The following SLCO6A1 variants were observed in gnomAD, a reference collection of about 807,000 sequenced individuals.
The protein encoded by SLCO6A1 is solute carrier organic anion transporter family member 6A1.
SLCO6A1 carries 65 observed loss-of-function variants against 72.7 expected under a neutral mutation model. The ratio of observed to expected loss-of-function variants is 0.89; its 90% CI spans 0.73 to 1.10. The LOEUF (loss-of-function observed/expected upper bound fraction) is 1.10. SLCO6A1 is among the 50% of genes least tolerant of loss of function. The probability of loss-of-function intolerance (pLI) is 0.00; values close to 1 mark genes in which losing one functional copy is unlikely to be tolerated. For missense variants in SLCO6A1, 874 were observed against 872.6 expected (o/e 1.00, Z -0.02); for synonymous variants, 314 against 298.2 (o/e 1.05, Z -0.55).
chr5:102,427,517 C>T (rs1373918005), intron 7 of SLCO6A1, among the ~76,000 whole-genome samples: 1 of 151,988 alleles, frequency 6.6e-6, no homozygotes, highest in Non-Finnish European at 1.5e-5. Flanking sequence ...AGTGGGACAT[C>T]TTACAGAACA....
chr5:102,495,318 G>A (rs1405250729), intron 1 of SLCO6A1, among the ~76,000 whole-genome samples: 2 of 152,246 alleles, frequency 1.3e-5, no homozygotes, highest in African/African-American at 4.8e-5. Context: ...CATTGGCTGG[G>A]CATGGTGGCT....
At chr5:102,449,738 C>T (rs1165704012) in intron 6 of SLCO6A1, among the ~76,000 whole-genome samples, 1 of 152,156 alleles carries the variant, frequency 6.6e-6, no homozygotes, top group Admixed American at 6.6e-5. Context: ...CAATATCCTC[C>T]AATATGTTTT....
chr5:102,479,768 A>G (rs938304219), intron 2 of SLCO6A1, among the ~76,000 whole-genome samples: 2 of 152,124 alleles, frequency 1.3e-5, no homozygotes, highest in African/African-American at 4.8e-5. Context: ...CTGCACAACC[A>G]TGCAAATCCC....
rs943440376 is a variant in SLCO6A1 at position 102,372,009 on chromosome 5, T to C, written c.*130A>G. On this transcript the variant is annotated 3_prime_UTR_variant, in exon 14 of 14. Transcript: ENST00000506729. ...ACCATAAATATATTTTTGCTACTTA[T>C]GTAAACATAATGTGTGATTTTCCTC... 2.6e-5 allele frequency: 4 copies of C among 152,048 alleles called. No individual in the cohort carries two copies. The highest frequency in any genetic ancestry group is 5.9e-5 in the Non-Finnish European group (4 of 67,920). The allele number at this position is 152,048 out of a possible 1,614,324, so 9.4% of individuals were successfully genotyped here. A position where few individuals can be genotyped will look rare whatever the true frequency, so the allele number is the denominator to read the frequency against.
intron 6 of SLCO6A1, among the ~76,000 whole-genome samples, chr5:102,453,369 A>G (rs1188521066): frequency 1.3e-5 from 2 of 152,036 alleles, no homozygotes; most frequent in Non-Finnish European, 2.9e-5. Flanking sequence ...AAAGAAAGGA[A>G]AAAAGCAAAC....
At chr5:102,494,004 G>A (rs1046462138) in intron 1 of SLCO6A1, among the ~76,000 whole-genome samples, 7 of 152,194 alleles carry the variant, frequency 4.6e-5, no homozygotes, top group African/African-American at 9.6e-5. Flanking sequence ...TAAAAGGAAC[G>A]AAGTCGAAAG....
At chr5:102,384,441 T>C (rs1255109728) in intron 12 of SLCO6A1, among the ~76,000 whole-genome samples, 1 of 152,054 alleles carries the variant, frequency 6.6e-6, no homozygotes, top group East Asian at 1.9e-4. Flanking sequence ...TCTTCCTTTG[T>C]GGTTTGAATT....
intron 9 of SLCO6A1, among the ~76,000 whole-genome samples, chr5:102,409,642 A>G (rs537297206): frequency 3.3e-5 from 5 of 152,280 alleles, no homozygotes; most frequent in African/African-American, 9.6e-5. Context: ...CTATTAGGCA[A>G]TTTCTTTCAT....
chr5:102,412,334 A>G (rs1183075758), intron 9 of SLCO6A1, among the ~76,000 whole-genome samples: 1 of 152,210 alleles, frequency 6.6e-6, no homozygotes, highest in Non-Finnish European at 1.5e-5. Flanking sequence ...GGCCATGGTC[A>G]CTCATATCTG....
chr5:102,498,710 C>T lies in SLCO6A1; in HGVS notation c.135G>A (p.Gly45=). The change falls in exon 1 of 14, where the codon GGG becomes GGA. Residue 45 remains glycine (G), a synonymous_variant. Transcript: ENST00000506729. ...AKGTPKSSKP[G]KKHRYLRLLP... ...GTAGTCTCAGATACCGGTGTTTTTT[C>T]CCGGGCTTCGAGGACTTCGGGGTTC... The T allele has an allele frequency of 6.2e-7, 1 of 1,614,174 alleles. No homozygotes were observed. Among genetic ancestry groups the T allele is most frequent in the South Asian group, 1.1e-5 (1 of 91,086 alleles).
chr5:102,479,442 A>C (rs1168532635), intron 2 of SLCO6A1, among the ~76,000 whole-genome samples: 1 of 152,130 alleles, frequency 6.6e-6, no homozygotes, highest in Non-Finnish European at 1.5e-5. Context: ...TTTAAATGTC[A>C]AAAATAATAA....
chr5:102,375,913 C>T lies in SLCO6A1; in HGVS notation c.2018-2419G>A, dbSNP rs140227067. Among the ~76,000 whole-genome samples the T allele has an allele frequency of 2.9e-3, 445 of 152,058 alleles. 4 individuals carry two copies. Among genetic ancestry groups the T allele is most frequent in the Middle Eastern group, 0.01 (3 of 294 alleles). On this transcript the variant is annotated intron_variant, in intron 12 of 13. Coordinates refer to ENST00000506729, the MANE Select transcript of SLCO6A1 (RefSeq NM_173488.5). ...TACTTTCCAAAAATGTAGAAGACAT[C>T]AACCCATGGATCCAAGGAGCTCAGC...
At chr5:102,496,494 T>C (rs1188403585) in intron 1 of SLCO6A1, among the ~76,000 whole-genome samples, 1 of 152,166 alleles carries the variant, frequency 6.6e-6, no homozygotes, top group African/African-American at 2.4e-5. Context: ...TGTCCATCAC[T>C]TGTTCAGAAA....
chr5:102,461,667 T>C (rs1751045939), intron 4 of SLCO6A1, among the ~76,000 whole-genome samples: 1 of 152,100 alleles, frequency 6.6e-6, no homozygotes, highest in South Asian at 2.1e-4. Context: ...TGATATTAAA[T>C]ACCATCATGA....
At chr5:102,451,604 T>A (rs148057417) in intron 6 of SLCO6A1, among the ~76,000 whole-genome samples, 37 of 152,250 alleles carry the variant, frequency 2.4e-4, no homozygotes, top group Admixed American at 1.3e-3. Flanking sequence ...GTGCCCAGGG[T>A]TGCAAAGATC....
At chr5:102,412,506 A>G (rs572617562) in intron 9 of SLCO6A1, among the ~76,000 whole-genome samples, 1 of 152,188 alleles carries the variant, frequency 6.6e-6, no homozygotes, top group Non-Finnish European at 1.5e-5. Context: ...CTATAATCCC[A>G]GCAGTTTTGG....
intron 12 of SLCO6A1, among the ~76,000 whole-genome samples, chr5:102,381,192 A>G (rs757071225): frequency 1.2e-4 from 18 of 151,770 alleles, no homozygotes; most frequent in Non-Finnish European, 2.1e-4. Flanking sequence ...ACTTCTGTCT[A>G]ACTAAAATTT....
At chr5:102,406,470 TAAAG>T (rs1207371832) in intron 9 of SLCO6A1, among the ~76,000 whole-genome samples, 3 of 151,882 alleles carry the variant, frequency 2.0e-5, no homozygotes, top group Non-Finnish European at 4.4e-5. Flanking sequence ...AACACAAAAA[TAAAG>T]AGAAATAGAC....
intron 12 of SLCO6A1, among the ~76,000 whole-genome samples, chr5:102,378,745 C>T (rs1361908185): frequency 1.3e-5 from 2 of 152,004 alleles, no homozygotes; most frequent in East Asian, 3.9e-4. Flanking sequence ...GAATTTACCA[C>T]AATATATTAT....
Sources: gnomAD v4.1 joint callset for allele counts (sites outside exome capture counted in the v4.1 genomes callset) on GRCh38, gnomAD v4.1.1 for gene constraint, MANE v1.5 for transcripts, NCBI Gene and HGNC (gene_info 2026-07-23, HGNC 2026-07-21) for gene names.